The following LEPR variants were observed in gnomAD, a reference collection of about 807,000 sequenced individuals.
LEPR encodes leptin receptor.
In LEPR, 56 loss-of-function variants were observed where a neutral mutation model predicts 114.7. The observed-to-expected ratio is 0.49, with a 90% CI of 0.39 to 0.61. The LOEUF (loss-of-function observed/expected upper bound fraction) is 0.61. Ranked by LOEUF, LEPR falls within the 20% of genes least tolerant of loss-of-function variation. The probability of loss-of-function intolerance (pLI) is 0.00; values close to 1 mark genes in which losing one functional copy is unlikely to be tolerated. For missense variants in LEPR, 1,202 were observed against 1,352.9 expected, an observed-to-expected ratio of 0.89 and a Z score of 1.75; for synonymous variants, 443 against 461.4, an observed-to-expected ratio of 0.96 and a Z score of 0.51.
intron 16 of LEPR, 24 bp downstream of exon 16, chr1:65,618,170 G>T: frequency 1.3e-6 from 2 of 1,583,586 alleles, no homozygotes; most frequent in South Asian, 2.2e-5. Flanking sequence ...ACTTTAGTAA[G>T]TTGCTCTCAT....
At chr1:65,448,412 G>A (rs1016807401) in intron 2 of LEPR, among the ~76,000 whole-genome samples, 1 of 152,126 alleles carries the variant, frequency 6.6e-6, no homozygotes, top group African/African-American at 2.4e-5. Context: ...TACATTGTTA[G>A]ATTCAATTTG....
At chr1:65,428,982 C>T (rs142014788) in intron 2 of LEPR, among the ~76,000 whole-genome samples, 2,462 of 152,064 alleles carry the variant, frequency 0.016, 42 homozygotes, top group South Asian at 0.087. Context: ...TCATGCCTTC[C>T]GTACTTAAAA....
chr1:65,507,204 C>A (rs1409170442), intron 2 of LEPR, among the ~76,000 whole-genome samples: 1 of 152,008 alleles, frequency 6.6e-6, no homozygotes, highest in African/African-American at 2.4e-5. Flanking sequence ...GCACCCGCCA[C>A]CACGCCTGGT....
chr1:65,448,894 G>T (rs1228183897), intron 2 of LEPR, among the ~76,000 whole-genome samples: 3 of 151,976 alleles, frequency 2.0e-5, no homozygotes, highest in Non-Finnish European at 4.4e-5. Context: ...TTCTTGCTTT[G>T]TTGTTGTTGT....
At chr1:65,523,049 C>T (rs1183514970) in intron 2 of LEPR, among the ~76,000 whole-genome samples, 1 of 152,152 alleles carries the variant, frequency 6.6e-6, no homozygotes, top group East Asian at 1.9e-4. Flanking sequence ...AAATGAGATT[C>T]AAAGGTGTCT....
intron 2 of LEPR, chr1:65,432,645 C>T: frequency 2.0e-6 from 2 of 984,426 alleles, no homozygotes; most frequent in Non-Finnish European, 2.4e-6. Context: ...TTAGGCAGTT[C>T]CTCAAATTTA....
At chr1:65,620,058 A>G (rs1215171459) in intron 17 of LEPR, 35 bp downstream of exon 17, 7 of 1,473,972 alleles carry the variant, frequency 4.7e-6, no homozygotes, top group African/African-American at 1.4e-5. Context: ...TTTTACACCA[A>G]TGTGTGTGCC....
chr1:65,571,653 T>C (rs1654165728), intron 4 of LEPR, among the ~76,000 whole-genome samples: 1 of 128,144 alleles, frequency 7.8e-6, no homozygotes, highest in Admixed American at 7.4e-5. Flanking sequence ...CTGTCTAATG[T>C]TAAAAAAAAA....
chr1:65,527,756 G>C (rs77951576), intron 2 of LEPR, among the ~76,000 whole-genome samples: 1 of 152,128 alleles, frequency 6.6e-6, no homozygotes, highest in Non-Finnish European at 1.5e-5. Flanking sequence ...TGGAAATGTC[G>C]TAAGTTACTC....
intron 7 of LEPR, among the ~76,000 whole-genome samples, chr1:65,596,829 C>G (rs962139321): frequency 4.0e-5 from 6 of 151,826 alleles, no homozygotes; most frequent in African/African-American, 1.5e-4. Context: ...TATTTTCCAC[C>G]AACAGACCAC....
At chr1:65,610,436 G>A in intron 14 of LEPR, 140 bp downstream of exon 14, 1 of 755,554 alleles carries the variant, frequency 1.3e-6, no homozygotes, top group South Asian at 1.9e-5. Flanking sequence ...TGTATTTAAA[G>A]AGAGCTAAGA....
chr1:65,465,460 T>A (rs186409987), intron 2 of LEPR, among the ~76,000 whole-genome samples: 40 of 152,358 alleles, frequency 2.6e-4, no homozygotes, highest in African/African-American at 9.6e-4. Context: ...TGATCAATTT[T>A]AGAATAAGTG....
chr1:65,605,109 G>C lies in LEPR; in HGVS notation c.1475G>C (p.Ser492Thr), dbSNP rs774950947. 14 of 1,614,116 alleles carry C rather than the reference G, an allele frequency of 8.7e-6. No homozygotes were observed. In the East Asian group the frequency reaches 2.9e-4, roughly 33 times the overall value. ...ISEPKDCYLQ[S>T]DGFYECIFQP... ...GAGCCCAAAGATTGCTATTTGCAGA[G>C]TGATGGTTTTTATGAATGCATTTTC... Residue 492 changes from serine (S) to threonine (T), a missense_variant, in exon 11 of 20, where the codon AGT becomes ACT. Ser to Thr is a moderately conservative substitution (Grantham distance 58, BLOSUM62 1). Transcript: ENST00000349533.
intron 2 of LEPR, among the ~76,000 whole-genome samples, chr1:65,527,090 G>A (rs970924328): frequency 1.3e-5 from 2 of 152,164 alleles, no homozygotes; most frequent in South Asian, 2.1e-4. Context: ...AGCATAGCAC[G>A]TATTCTCTTT....
intron 2 of LEPR, among the ~76,000 whole-genome samples, chr1:65,513,329 A>C (rs1439000037): frequency 6.6e-6 from 1 of 152,230 alleles, no homozygotes; most frequent in African/African-American, 2.4e-5. Context: ...TGATAAAAAC[A>C]CTGAACTGCA....
chr1:65,585,609 G>C (rs1325919732), intron 5 of LEPR, among the ~76,000 whole-genome samples: 1 of 151,944 alleles, frequency 6.6e-6, no homozygotes, highest in East Asian at 1.9e-4. Flanking sequence ...TTCAAGTAAA[G>C]TTTATTTACA....
intron 10 of LEPR, 46 bp downstream of exon 10, chr1:65,602,006 A>G: frequency 6.6e-7 from 1 of 1,504,266 alleles, no homozygotes; most frequent in Non-Finnish European, 9.3e-7. Context: ...GCACAGTGAG[A>G]TAAAAATTTT....
chr1:65,572,388 G>A lies in LEPR; in HGVS notation c.433G>A (p.Glu145Lys), dbSNP rs757109404. 6.3e-7 allele frequency: 1 copy of A among 1,581,278 alleles called. No homozygotes were observed. The highest frequency in any genetic ancestry group is 1.1e-5 in the South Asian group (1 of 89,784). ...CTTAAAATTATTCATCTGTTATGTGGAGTCATTATTTAAGAATCTATTCAG... is the reference window on the plus strand; with the variant it reads ...CTTAAAATTATTCATCTGTTATGTGAAGTCATTATTTAAGAATCTATTCAG... ...GDLKLFICYV[E>K]SLFKNLFRNY... The change falls in exon 5 of 20, where the codon GAG becomes AAG. Residue 145 changes from glutamate (E) to lysine (K), a missense_variant. Glu to Lys is a moderately conservative substitution (Grantham distance 56). Coordinates refer to ENST00000349533, the MANE Select transcript of LEPR (RefSeq NM_002303.6).
At chr1:65,435,227 T>C in intron 2 of LEPR, 1 of 985,408 alleles carries the variant, frequency 1.0e-6, no homozygotes, top group Non-Finnish European at 1.2e-6. Flanking sequence ...TTTCTTACTG[T>C]CCTAAGGAAG....
Sources: allele counts gnomAD v4.1 joint callset (sites outside exome capture counted in the v4.1 genomes callset), GRCh38; gene constraint gnomAD v4.1.1; transcripts MANE v1.5; gene names NCBI Gene and HGNC (gene_info 2026-07-23, HGNC 2026-07-21).